Variants in TNFRSF19 observed in about 807,000 individuals in gnomAD.
The protein encoded by TNFRSF19 is tumor necrosis factor receptor superfamily member 19.
A neutral mutation model predicts 46.4 loss-of-function variants in TNFRSF19; 27 were observed. That is an observed-to-expected ratio of 0.58 (90% CI 0.43 to 0.80). The LOEUF is 0.80. TNFRSF19 is among the 30% of genes least tolerant of loss of function. The probability of loss-of-function intolerance (pLI) is 0.00; values close to 1 mark genes in which losing one functional copy is unlikely to be tolerated. For synonymous variants in TNFRSF19, 204 were observed against 205.0 expected, an observed-to-expected ratio of 1.00 and a Z score of 0.04; for missense variants, 511 against 530.8, an observed-to-expected ratio of 0.96 and a Z score of 0.37.
chr13:23,582,583 T>A (rs895718972), intron 1 of TNFRSF19, among the ~76,000 whole-genome samples: 3 of 152,226 alleles, frequency 2.0e-5, no homozygotes, highest in Non-Finnish European at 2.9e-5. Context: ...ATATAGTAAG[T>A]GGCATATATT....
chr13:23,637,554 G>A (rs1380578725), intron 5 of TNFRSF19, among the ~76,000 whole-genome samples: 1 of 152,160 alleles, frequency 6.6e-6, no homozygotes, highest in African/African-American at 2.4e-5. Flanking sequence ...ATTAATACCG[G>A]TATCAATTCT....
At chr13:23,652,753 C>CA (rs1350887120) in intron 5 of TNFRSF19, among the ~76,000 whole-genome samples, 2 of 152,230 alleles carry the variant, frequency 1.3e-5, no homozygotes, top group Non-Finnish European at 2.9e-5. Context: ...GGCATAATCT[C>CA]ATCTTATTGA....
chr13:23,588,987 C>T (rs145835663), intron 1 of TNFRSF19, among the ~76,000 whole-genome samples: 2 of 152,350 alleles, frequency 1.3e-5, no homozygotes, highest in African/African-American at 4.8e-5. Context: ...GATAGCCGCT[C>T]AGCCTGCAGC....
intron 1 of TNFRSF19, among the ~76,000 whole-genome samples, chr13:23,574,796 C>A (rs555163156): frequency 6.6e-6 from 1 of 152,214 alleles, no homozygotes; most frequent in South Asian, 2.1e-4. Context: ...TTTAATTTCT[C>A]CTCTACTGTC....
intron 3 of TNFRSF19, among the ~76,000 whole-genome samples, chr13:23,611,760 T>A (rs1880923896): frequency 6.6e-6 from 1 of 152,238 alleles, no homozygotes; most frequent in Non-Finnish European, 1.5e-5. Context: ...TTTCATTTGC[T>A]GCATGGTTAG....
At chr13:23,661,186 C>T (rs766874476) in intron 7 of TNFRSF19, among the ~76,000 whole-genome samples, 1 of 152,158 alleles carries the variant, frequency 6.6e-6, no homozygotes, top group South Asian at 2.1e-4. Flanking sequence ...GCTCCTCTCC[C>T]TCCTCCCACA....
chr13:23,643,196 A>G (rs1438560207), intron 5 of TNFRSF19, among the ~76,000 whole-genome samples: 3 of 152,254 alleles, frequency 2.0e-5, no homozygotes, highest in African/African-American at 4.8e-5. Context: ...AGCAGAGATA[A>G]AGTAGCATCT....
chr13:23,616,949 T>C (rs1379242074), intron 4 of TNFRSF19, among the ~76,000 whole-genome samples: 2 of 152,136 alleles, frequency 1.3e-5, no homozygotes, highest in Non-Finnish European at 2.9e-5. Flanking sequence ...AGATAGAAGA[T>C]GATAACTGCT....
intron 5 of TNFRSF19, among the ~76,000 whole-genome samples, chr13:23,639,846 A>G (rs770980839): frequency 2.6e-5 from 4 of 152,216 alleles, no homozygotes; most frequent in African/African-American, 9.7e-5. Flanking sequence ...ATTTGAAAGG[A>G]TATGCTAAAA....
Position 23,659,342 on chromosome 13 carries a change from C to A in TNFRSF19, c.610+128C>A. 2 of 1,003,020 alleles carry A rather than the reference C, an allele frequency of 2.0e-6. No individual in the cohort carries two copies. The highest frequency in any genetic ancestry group is 2.6e-5 in the Admixed American group (1 of 37,938). The allele number at this position is 1,003,020 out of a possible 1,614,324, so 62.1% of individuals were successfully genotyped here. ...GTGAGTTGTGAAAGAACGCAGGGCA[C>A]AAGAAACACAGGTGATCCCTGAACA... On this transcript the variant is annotated intron_variant, in intron 6 of 9. Coordinates refer to ENST00000248484, the MANE Select transcript of TNFRSF19 (RefSeq NM_148957.4). This position sits in a 1 kb window ranked among gnomAD's most constrained non-coding sequence, Gnocchi z 4.9.
chr13:23,591,606 C>T (rs1010181966), intron 2 of TNFRSF19, among the ~76,000 whole-genome samples: 5 of 151,898 alleles, frequency 3.3e-5, no homozygotes, highest in East Asian at 3.9e-4. Context: ...TTTCTCTTTA[C>T]GGTCTCTCTG....
At chr13:23,602,868 A>G (rs962509308) in intron 3 of TNFRSF19, among the ~76,000 whole-genome samples, 6 of 152,092 alleles carry the variant, frequency 3.9e-5, no homozygotes, top group Non-Finnish European at 8.8e-5. Flanking sequence ...ACCAGTGCTC[A>G]GGGGGTACTG....
At chr13:23,625,062 A>G (rs772101225) in intron 4 of TNFRSF19, among the ~76,000 whole-genome samples, 37 of 151,920 alleles carry the variant, frequency 2.4e-4, no homozygotes, top group Non-Finnish European at 4.7e-4. Context: ...ACACACGACT[A>G]TTTTTATATG....
At chr13:23,657,227 C>T (rs1016095115) in intron 5 of TNFRSF19, among the ~76,000 whole-genome samples, 1 of 152,164 alleles carries the variant, frequency 6.6e-6, no homozygotes, top group Non-Finnish European at 1.5e-5. Flanking sequence ...AATACCAAGA[C>T]TCATGCTCCA....
chr13:23,622,940 A>G (rs774577916), intron 4 of TNFRSF19, among the ~76,000 whole-genome samples: 2 of 152,206 alleles, frequency 1.3e-5, no homozygotes, highest in Non-Finnish European at 2.9e-5. Context: ...AAAAAATTGT[A>G]TATGCATTTT....
chr13:23,618,386 CA>C (rs1451771125), intron 4 of TNFRSF19, among the ~76,000 whole-genome samples: 1 of 152,118 alleles, frequency 6.6e-6, no homozygotes, highest in Non-Finnish European at 1.5e-5. Flanking sequence ...GTCCAATAAG[CA>C]CATGAAAAGT....
At chr13:23,571,228 A>G (rs1877616301) in intron 1 of TNFRSF19, among the ~76,000 whole-genome samples, 3 of 152,224 alleles carry the variant, frequency 2.0e-5, no homozygotes, top group Admixed American at 1.3e-4. Flanking sequence ...AGTCAGTGCA[A>G]CTTTGCTTGT....
chr13:23,592,958 G>C (rs926673832), intron 2 of TNFRSF19, among the ~76,000 whole-genome samples: 3 of 150,624 alleles, frequency 2.0e-5, no homozygotes, highest in Non-Finnish European at 2.9e-5. Context: ...AAAGGACCTT[G>C]GGTCATATAT....
chr13:23,638,571 C>G (rs1882842576), intron 5 of TNFRSF19, among the ~76,000 whole-genome samples: 2 of 152,176 alleles, frequency 1.3e-5, no homozygotes, highest in Non-Finnish European at 2.9e-5. Flanking sequence ...GGTCTCTAGA[C>G]CAAGTGATCT....
Sources: gnomAD v4.1 joint callset for allele counts (sites outside exome capture counted in the v4.1 genomes callset) on GRCh38, gnomAD v4.1.1 for gene constraint, Gnocchi (gnomAD v3.1) non-coding constraint, MANE v1.5 for transcripts, NCBI Gene and HGNC (gene_info 2026-07-23, HGNC 2026-07-21) for gene names.